The following MAST1 variants were observed in gnomAD, a reference collection of about 807,000 sequenced individuals.
MAST1 encodes microtubule-associated serine/threonine-protein kinase 1.
In MAST1, 40 loss-of-function variants were observed where a neutral mutation model predicts 124.6. That is an observed-to-expected ratio of 0.32 (90% CI 0.25 to 0.42). MAST1 has a LOEUF of 0.42. MAST1 is among the 10% of genes least tolerant of loss of function. The probability of loss-of-function intolerance (pLI) is 1.00; values close to 1 mark genes in which losing one functional copy is unlikely to be tolerated. For synonymous variants in MAST1, 938 were observed against 939.4 expected, an observed-to-expected ratio of 1.00 and a Z score of 0.03; for missense variants, 1,558 against 2,181.9, an observed-to-expected ratio of 0.71 and a Z score of 5.70.
chr19:12,863,438 G>T (rs1266449260), intron 12 of MAST1, among the ~76,000 whole-genome samples: 1 of 152,096 alleles, frequency 6.6e-6, no homozygotes, highest in African/African-American at 2.4e-5. Context: ...AAAAAAGAAA[G>T]AAATCATTAG....
Position 12,869,277 on chromosome 19 carries a change from T to C in MAST1, c.2985T>C (p.Ser995=). 6.2e-7 allele frequency: 1 copy of C among 1,613,882 alleles called. No individual in the cohort carries two copies. Among genetic ancestry groups the C allele is most frequent in the Non-Finnish European group, 8.5e-7 (1 of 1,179,882 alleles). ...ACATGGGTGACACGGATGTCTATAG[T>C]GTCCACCACATTGTCTGGGTGAGTA... ...RVYMGDTDVY[S]VHHIVWHVEE... is the part of the protein sequence containing the mutation. Residue 995 remains serine (S), a synonymous_variant, in exon 22 of 26, where the codon AGT becomes AGC. Coordinates refer to ENST00000251472, the MANE Select transcript of MAST1 (RefSeq NM_014975.3).
intron 10 of MAST1, among the ~76,000 whole-genome samples, chr19:12,853,675 C>T (rs1407401581): frequency 1.3e-5 from 2 of 152,042 alleles, no homozygotes; most frequent in Non-Finnish European, 2.9e-5. Flanking sequence ...CGAAACCAGC[C>T]TGGCCAACAT....
chr19:12,852,923 A>G (rs1182978916), intron 10 of MAST1, among the ~76,000 whole-genome samples: 1 of 152,110 alleles, frequency 6.6e-6, no homozygotes, highest in Non-Finnish European at 1.5e-5. Flanking sequence ...TCCATGAAAC[A>G]TAAAATTTAA....
In MAST1 at chr19:12,867,714, C is replaced by G. The variant is rs777412506; in HGVS notation, c.2319-16C>G. 6 of 1,532,542 alleles carry G rather than the reference C, an allele frequency of 3.9e-6. No homozygotes were observed. The South Asian group carries it at 7.4e-5, about 19-fold the overall frequency. The allele number at this position is 1,532,542 out of a possible 1,614,324, so 94.9% of individuals were successfully genotyped here. On this transcript the variant is annotated splice_polypyrimidine_tract_variant and intron_variant, in intron 19 of 25. Transcript: ENST00000251472. ...GAAGGGGGCGTGTCTTCCATAACCACGCCCCCTCCATGCAGCAAGCGATTC... is the reference window on the plus strand; with the variant it reads ...GAAGGGGGCGTGTCTTCCATAACCAGGCCCCCTCCATGCAGCAAGCGATTC...
chr19:12,858,694 T>G lies in MAST1; in HGVS notation c.1321T>G (p.Phe441Val). Reference sequence around the variant, plus strand: ...GTTTGTGGTCGGCATGTTCTGCTCCTTTGAGACTCGGCGCCACCTCTGCAT... The same window carrying G: ...GTTTGTGGTCGGCATGTTCTGCTCCGTTGAGACTCGGCGCCACCTCTGCAT... ...NPFVVGMFCS[F>V]ETRRHLCMVM... is the part of the protein sequence containing the mutation. The change falls in exon 12 of 26, where the codon TTT becomes GTT. Residue 441 changes from phenylalanine to valine, a missense_variant. Phe to Val is a conservative substitution (Grantham distance 50, BLOSUM62 -1). Transcript: ENST00000251472. 1 of 1,614,226 alleles carries G rather than the reference T, an allele frequency of 6.2e-7. No individual in the cohort carries two copies. The highest frequency in any genetic ancestry group is 1.1e-5 in the South Asian group (1 of 91,078).
At chr19:12,855,066 A>G (rs1970003362) in intron 10 of MAST1, among the ~76,000 whole-genome samples, 1 of 152,070 alleles carries the variant, frequency 6.6e-6, no homozygotes, top group Admixed American at 6.6e-5. Flanking sequence ...CCCTGTCTCT[A>G]CTAAAAAAAT....
At position 12,867,659 on chromosome 19, in the gene MAST1, A is replaced by C; in HGVS notation, c.2318+7A>C. 6.4e-7 allele frequency: 1 copy of C among 1,574,732 alleles called. No individual in the cohort carries two copies. Among genetic ancestry groups the C allele is most frequent in the Non-Finnish European group, 8.6e-7 (1 of 1,160,880 alleles). ...GAGGGGGCTCTCCGGAGATGTGAGC[A>C]GGGGAATGGCGGAGTTTGGGGGCGG... On this transcript the variant is annotated splice_region_variant and intron_variant, in intron 19 of 25. Transcript: ENST00000251472.
chr19:12,841,720 T>G lies in MAST1; in HGVS notation c.248+654T>G, dbSNP rs970136280. 6.6e-6 allele frequency among the ~76,000 whole-genome samples: 1 copy of G among 152,218 alleles called. No homozygotes were observed. Among genetic ancestry groups the G allele is most frequent in the African/African-American group, 2.4e-5 (1 of 41,448 alleles). On this transcript the variant is annotated intron_variant, in intron 3 of 25. Coordinates refer to ENST00000251472, the MANE Select transcript of MAST1 (RefSeq NM_014975.3). The surrounding 1 kb of genome is among the most constrained non-coding windows in gnomAD (Gnocchi z 4.3). ...TTAGGAGCTGGGCGTATGGGGTCAATGACGTCCTGTCTCTACCCTCTGAGT... is the reference window on the plus strand; with the variant it reads ...TTAGGAGCTGGGCGTATGGGGTCAAGGACGTCCTGTCTCTACCCTCTGAGT...
chr19:12,852,108 G>A lies in MAST1; in HGVS notation c.877-7G>A, dbSNP rs748262889. The A allele has an allele frequency of 8.7e-6, 14 of 1,613,564 alleles. No individual in the cohort carries two copies. The Admixed American group carries it at 1.2e-4, about 13-fold the overall frequency. On this transcript the variant is annotated splice_polypyrimidine_tract_variant and splice_region_variant and intron_variant, in intron 8 of 25. Coordinates refer to ENST00000251472, the MANE Select transcript of MAST1 (RefSeq NM_014975.3). ...CCTGTGGTGAGCCCACTCCTGCCCTGCCTCAGGAATTCAACCCCGAGGAGT... is the reference window on the plus strand; with the variant it reads ...CCTGTGGTGAGCCCACTCCTGCCCTACCTCAGGAATTCAACCCCGAGGAGT...
In MAST1 at chr19:12,865,016, C is replaced by G; in HGVS notation, c.1506-30C>G. 6.2e-7 allele frequency: 1 copy of G among 1,613,744 alleles called. No individual in the cohort carries two copies. The highest frequency in any genetic ancestry group is 8.5e-7 in the Non-Finnish European group (1 of 1,179,686). Reference sequence around the variant, plus strand: ...GCCAGGAGGCAGAATGGACGGGCCTCATCCCTGAGATCCCCACCTGTGCCT... The same window carrying G: ...GCCAGGAGGCAGAATGGACGGGCCTGATCCCTGAGATCCCCACCTGTGCCT... On this transcript the variant is annotated intron_variant, in intron 13 of 25. Coordinates refer to ENST00000251472, the MANE Select transcript of MAST1 (RefSeq NM_014975.3). The surrounding 1 kb of genome is among the most constrained non-coding windows in gnomAD (Gnocchi z 7.1).
chr19:12,858,458 T>C lies in MAST1; in HGVS notation c.1157+17T>C. On this transcript the variant is annotated intron_variant, in intron 11 of 25. Coordinates refer to ENST00000251472, the MANE Select transcript of MAST1 (RefSeq NM_014975.3). ...TGCCTACGGGTGAGCCACCCGGGGC[T>C]CTGGCGGGGGGAGGGTGGCGGAGGC... The C allele has an allele frequency of 6.2e-7, 1 of 1,612,706 alleles. No individual in the cohort carries two copies. The highest frequency in any genetic ancestry group is 1.3e-5 in the African/African-American group (1 of 74,922).
At position 12,874,247 on chromosome 19, in the gene MAST1, G is replaced by T; in HGVS notation, c.4090G>T (p.Gly1364Trp). 6.4e-7 allele frequency: 1 copy of T among 1,563,742 alleles called. No homozygotes were observed. Among genetic ancestry groups the T allele is most frequent in the Non-Finnish European group, 8.6e-7 (1 of 1,158,764 alleles). The change falls in exon 26 of 26, where the codon GGG (glycine) becomes TGG (tryptophan). Residue 1364 changes from glycine to tryptophan, a missense_variant. Physicochemically the swap from Gly to Trp is radical, Grantham distance 184 (BLOSUM62 -2). Coordinates refer to ENST00000251472, the MANE Select transcript of MAST1 (RefSeq NM_014975.3). The surrounding 1 kb of genome is among the most constrained non-coding windows in gnomAD (Gnocchi z 6.6). ...PVSSKEKESPGGAEACTPPRA... is the reference protein window; with the variant it reads ...PVSSKEKESPWGAEACTPPRA... ...GTCGAGCAAGGAGAAGGAATCCCCG[G>T]GGGGCGCCGAGGCGTGCACCCCACC... is the stretch of plus-strand genomic sequence containing the variant.
At chr19:12,873,257 G>A in intron 24 of MAST1, 67 bp from the exon 25 acceptor site, 2 of 1,521,158 alleles carry the variant, frequency 1.3e-6, no homozygotes, top group African/African-American at 1.4e-5. Context: ...GTGAGGCCGT[G>A]AAATGGGAGG....
chr19:12,848,021 T>C lies in MAST1; in HGVS notation c.738T>C (p.Tyr246=). ...RDGLITTVYF[Y]ELQENLEKLL... is the part of the protein sequence containing the mutation. ...GCCTCATCACCACGGTCTACTTCTA[T>C]GAATTGCAGGAGAACCTGGAGAAGC... The change falls in exon 7 of 26, where the codon TAT becomes TAC. Residue 246 remains tyrosine, a synonymous_variant. Transcript: ENST00000251472. The C allele has an allele frequency of 6.2e-7, 1 of 1,614,092 alleles. No homozygotes were observed. The highest frequency in any genetic ancestry group is 8.5e-7 in the Non-Finnish European group (1 of 1,179,978).
Position 12,838,533 on chromosome 19 carries a change from G to C in MAST1, c.-40G>C. 1 of 1,433,210 alleles carries C rather than the reference G, an allele frequency of 7.0e-7. No individual in the cohort carries two copies. The highest frequency in any genetic ancestry group is 9.3e-7 in the Non-Finnish European group (1 of 1,080,534). 88.8% of individuals were successfully genotyped at this position (1,433,210 alleles called of 1,614,324 possible). On this transcript the variant is annotated 5_prime_UTR_variant, in exon 1 of 26. Transcript: ENST00000251472. This position sits in a 1 kb window ranked among gnomAD's most constrained non-coding sequence, Gnocchi z 4.3. ...CGCCGCCGCCGCCGCCGCCTCCGCC[G>C]CTGCTGCCGCACCTGCCACCATGTC...
At chr19:12,844,627 AG>A (rs1223581354) in intron 4 of MAST1, among the ~76,000 whole-genome samples, 2 of 152,206 alleles carry the variant, frequency 1.3e-5, no homozygotes, top group Non-Finnish European at 2.9e-5. Flanking sequence ...ATGGAAGAGA[AG>A]GGAGAAGAGT....
chr19:12,867,764 G>C lies in MAST1; in HGVS notation c.2353G>C (p.Glu785Gln). The C allele has an allele frequency of 6.5e-7, 1 of 1,547,390 alleles. No homozygotes were observed. Among genetic ancestry groups the C allele is most frequent in the Non-Finnish European group, 8.7e-7 (1 of 1,147,442 alleles). ...RFSASEASFL[E>Q]GEASPPLGAR... ...CTCCGCGTCCGAGGCCAGTTTCCTGGAGGGAGAGGCCAGTCCCCCTTTGGG... is the reference window on the plus strand; with the variant it reads ...CTCCGCGTCCGAGGCCAGTTTCCTGCAGGGAGAGGCCAGTCCCCCTTTGGG... Residue 785 changes from glutamate to glutamine, a missense_variant, in exon 20 of 26, where the codon GAG (glutamate) becomes CAG (glutamine). Coordinates refer to ENST00000251472, the MANE Select transcript of MAST1 (RefSeq NM_014975.3).
rs1970228781 is a variant in MAST1, at chr19:12,871,138, A to C, written c.3229A>C (p.Asn1077His). Residue 1077 changes from asparagine to histidine, a missense_variant, in exon 24 of 26, where the codon AAC becomes CAC. Coordinates refer to ENST00000251472, the MANE Select transcript of MAST1 (RefSeq NM_014975.3). The stretch of plus-strand genomic sequence containing the variant: ...CTACAAGGCTAAAATGGCTCGGAGG[A>C]ACAAGCGACCCTCCGCCAAGGAGGG... ...SSYKAKMARR[N>H]KRPSAKEGQE... 6.2e-7 allele frequency: 1 copy of C among 1,614,062 alleles called. No individual in the cohort carries two copies. Among genetic ancestry groups the C allele is most frequent in the African/African-American group, 1.3e-5 (1 of 74,934 alleles).
In MAST1 at chr19:12,864,950, G is replaced by A; in HGVS notation, c.1505+3G>A. On this transcript the variant is annotated splice_donor_region_variant and intron_variant, in intron 13 of 25. Coordinates refer to ENST00000251472, the MANE Select transcript of MAST1 (RefSeq NM_014975.3). ...CACCGCGACCTCAAGCCTGACAAGT[G>A]AGCTTTGATCTTTCCCATCACTCCC... is the stretch of plus-strand genomic sequence containing the variant. 1 of 1,614,168 alleles carries A rather than the reference G, an allele frequency of 6.2e-7. No homozygotes were observed.
Sources: allele counts gnomAD v4.1 joint callset (sites outside exome capture counted in the v4.1 genomes callset), GRCh38; gene constraint gnomAD v4.1.1; non-coding constraint Gnocchi (gnomAD v3.1); transcripts MANE v1.5; gene names NCBI Gene and HGNC (gene_info 2026-07-23, HGNC 2026-07-21).